Variants in LRP1B observed in about 807,000 individuals in gnomAD.
The protein encoded by LRP1B is LDL receptor related protein 1B.
LRP1B carries 217 observed loss-of-function variants against 556.6 expected under a neutral mutation model. That is an observed-to-expected ratio of 0.39 (90% CI 0.35 to 0.44). The LOEUF (loss-of-function observed/expected upper bound fraction) is 0.44, where lower values mean the gene tolerates loss of function less well. Among genes scored for constraint, LRP1B ranks in the 20% least tolerant of loss-of-function variants. The probability of loss-of-function intolerance (pLI) is 1.00; values close to 1 mark genes in which losing one functional copy is unlikely to be tolerated. For missense variants in LRP1B, 5,053 were observed against 5,620.8 expected (o/e 0.90, Z 3.23); for synonymous variants, 2,047 against 1,865.8 (o/e 1.10, Z -2.50).
chr2:140,766,633 T>TGATGAC (rs1400394434), intron 35 of LRP1B, among the ~76,000 whole-genome samples: 2 of 151,090 alleles, frequency 1.3e-5, no homozygotes, highest in African/African-American at 2.4e-5. Flanking sequence ...ATGATGATGA[T>TGATGAC]GATGATGATG....
chr2:141,737,477 G>C (rs913278841), intron 2 of LRP1B, among the ~76,000 whole-genome samples: 1 of 152,160 alleles, frequency 6.6e-6, no homozygotes, highest in East Asian at 1.9e-4. Flanking sequence ...TCCTCATCAG[G>C]AGACTGGAGG....
At chr2:141,298,961 A>G (rs1464792397) in intron 3 of LRP1B, among the ~76,000 whole-genome samples, 1 of 151,530 alleles carries the variant, frequency 6.6e-6, no homozygotes, top group Admixed American at 6.6e-5. Flanking sequence ...TCTTAAAAAA[A>G]AAAAAAAAAA....
chr2:140,705,502 G>T, intron 37 of LRP1B, among the ~76,000 whole-genome samples: 1 of 107,792 alleles, frequency 9.3e-6, no homozygotes. Flanking sequence ...CCAGCATGGG[G>T]AACAGAGTGA....
chr2:140,786,337 TGA>T (rs1420402283), intron 32 of LRP1B, among the ~76,000 whole-genome samples: 1 of 152,228 alleles, frequency 6.6e-6, no homozygotes, highest in East Asian at 1.9e-4. Flanking sequence ...CTATTTGGAA[TGA>T]GAGAAATATC....
At chr2:141,509,503 T>C (rs552279590) in intron 2 of LRP1B, among the ~76,000 whole-genome samples, 7 of 152,246 alleles carry the variant, frequency 4.6e-5, no homozygotes, top group Admixed American at 3.3e-4. Context: ...TAAGTTTAAA[T>C]CTTCTTTTAA....
intron 2 of LRP1B, among the ~76,000 whole-genome samples, chr2:141,535,112 A>G (rs1685027287): frequency 6.6e-6 from 1 of 152,040 alleles, no homozygotes; most frequent in African/African-American, 2.4e-5. Flanking sequence ...TCTTCTAACA[A>G]TTATCTGACT....
chr2:140,628,730 C>T (rs1683769108), intron 41 of LRP1B, among the ~76,000 whole-genome samples: 1 of 152,072 alleles, frequency 6.6e-6, no homozygotes, highest in African/African-American at 2.4e-5. Context: ...TGCATCCCCA[C>T]CCAAATCTCA....
chr2:140,865,670 T>C (rs1381949748), intron 27 of LRP1B, among the ~76,000 whole-genome samples: 1 of 152,036 alleles, frequency 6.6e-6, no homozygotes, highest in Non-Finnish European at 1.5e-5. Flanking sequence ...ATTTAGGAAA[T>C]AGCAAGTTCT....
At position 142,121,203 on chromosome 2, in the gene LRP1B, C is replaced by G. The variant is rs201093778; in HGVS notation, c.82+9445G>C. 1.2e-4 allele frequency among the ~76,000 whole-genome samples: 18 copies of G among 152,282 alleles called. No individual in the cohort carries two copies. In the East Asian group the frequency reaches 3.5e-3, roughly 29 times the overall value. On this transcript the variant is annotated intron_variant, in intron 1 of 90. Coordinates refer to ENST00000389484, the MANE Select transcript of LRP1B (RefSeq NM_018557.3). ...ACTCCCTCATTCAAGCCATCAACAT[C>G]TTTTCCAGGATGAATTTGATAATCC... is the stretch of plus-strand genomic sequence containing the variant.
Position 140,868,283 on chromosome 2 carries a change from A to T in LRP1B, c.4170-20T>A. On this transcript the variant is annotated intron_variant, in intron 25 of 90. Coordinates refer to ENST00000389484, the MANE Select transcript of LRP1B (RefSeq NM_018557.3). ...AGAATTCTAAAAAAAAAAAAAAAAA[A>T]AGAAATAATACTATTGTTTCAGTCA... 1 of 1,522,852 alleles carries T rather than the reference A, an allele frequency of 6.6e-7. No homozygotes were observed. Among genetic ancestry groups the T allele is most frequent in the Non-Finnish European group, 8.8e-7 (1 of 1,133,072 alleles). The allele number at this position is 1,522,852 out of a possible 1,614,324, so 94.3% of individuals were successfully genotyped here.
intron 11 of LRP1B, among the ~76,000 whole-genome samples, chr2:141,043,949 C>T: frequency 6.6e-6 from 1 of 151,892 alleles, no homozygotes; most frequent in Non-Finnish European, 1.5e-5. Flanking sequence ...CAAAAAAGAG[C>T]TCGCATCACC....
chr2:140,908,458 T>G (rs1694324923), intron 21 of LRP1B, among the ~76,000 whole-genome samples: 1 of 150,638 alleles, frequency 6.6e-6, no homozygotes, highest in Admixed American at 6.6e-5. Context: ...ACTTTAAAGA[T>G]ACATTTGTAT....
chr2:140,926,969 C>T (rs896414576), intron 20 of LRP1B, among the ~76,000 whole-genome samples: 6 of 151,972 alleles, frequency 3.9e-5, no homozygotes, highest in African/African-American at 1.5e-4. Flanking sequence ...TCAGATTGAA[C>T]CCAGTGGAAA....
chr2:141,518,294 A>C (rs1684399356), intron 2 of LRP1B, among the ~76,000 whole-genome samples: 1 of 152,102 alleles, frequency 6.6e-6, no homozygotes, highest in Non-Finnish European at 1.5e-5. Flanking sequence ...AGTAGGTGGA[A>C]GCTCAGGGAT....
At chr2:140,965,363 T>G (rs1005216123) in intron 18 of LRP1B, among the ~76,000 whole-genome samples, 1 of 152,158 alleles carries the variant, frequency 6.6e-6, no homozygotes, top group Non-Finnish European at 1.5e-5. Flanking sequence ...AATACCTTTT[T>G]TTTTTTCTAC....
chr2:141,528,633 AT>A (rs769284063), intron 2 of LRP1B, among the ~76,000 whole-genome samples: 2 of 152,150 alleles, frequency 1.3e-5, no homozygotes, highest in African/African-American at 2.4e-5. Flanking sequence ...TGATTTGAGT[AT>A]ACACAATTTG....
chr2:141,587,166 C>T (rs559634111), intron 2 of LRP1B, among the ~76,000 whole-genome samples: 2 of 152,114 alleles, frequency 1.3e-5, no homozygotes, highest in African/African-American at 2.4e-5. Context: ...AAAGAAAATA[C>T]CTGATTATTT....
At chr2:140,700,811 G>A (rs1686611314) in intron 40 of LRP1B, among the ~76,000 whole-genome samples, 190 bp from the exon 41 acceptor site, 1 of 151,962 alleles carries the variant, frequency 6.6e-6, no homozygotes. Flanking sequence ...TAAATCTTGG[G>A]TTTCTTTATT....
At chr2:141,101,849 T>C (rs184411528) in intron 7 of LRP1B, among the ~76,000 whole-genome samples, 3 of 152,248 alleles carry the variant, frequency 2.0e-5, no homozygotes, top group East Asian at 3.9e-4. Context: ...TTGGTATCTC[T>C]TCAATAGGGA....
Sources: gnomAD v4.1 joint callset for allele counts (sites outside exome capture counted in the v4.1 genomes callset) on GRCh38, gnomAD v4.1.1 for gene constraint, MANE v1.5 for transcripts, NCBI Gene and HGNC (gene_info 2026-07-23, HGNC 2026-07-21) for gene names.